The following GLI2 variants were observed in gnomAD, a reference collection of about 807,000 sequenced individuals.
The protein encoded by GLI2 is GLI family zinc finger 2, also known as transcription activator GLI2.
In GLI2, 22 loss-of-function variants were observed where a neutral mutation model predicts 78.9. That is an observed-to-expected ratio of 0.28 (90% CI 0.20 to 0.40). The LOEUF (loss-of-function observed/expected upper bound fraction) is 0.40. Ranked by LOEUF, GLI2 falls within the 10% of genes least tolerant of loss-of-function variation. The pLI is 1.00. For missense variants in GLI2, 2,097 were observed against 2,213.2 expected, an observed-to-expected ratio of 0.95 and a Z score of 1.05; for synonymous variants, 974 against 963.7, an observed-to-expected ratio of 1.01 and a Z score of -0.20.
At chr2:120,835,388 T>TG (rs1686561910) in intron 2 of GLI2, among the ~76,000 whole-genome samples, 1 of 149,884 alleles carries the variant, frequency 6.7e-6, no homozygotes, top group East Asian at 2.0e-4. Context: ...CACCAGACTT[T>TG]TTTTTTTTTT....
intron 2 of GLI2, among the ~76,000 whole-genome samples, chr2:120,883,219 CT>C (rs1214344911): frequency 6.6e-6 from 1 of 152,186 alleles, no homozygotes; most frequent in Non-Finnish European, 1.5e-5. Context: ...GGGCTGGTGG[CT>C]CACACCTGTA....
intron 1 of GLI2, among the ~76,000 whole-genome samples, chr2:120,763,178 C>G (rs1683268273): frequency 6.6e-6 from 1 of 152,194 alleles, no homozygotes; most frequent in African/African-American, 2.4e-5. Flanking sequence ...TTTCTTGTGC[C>G]TCCCTCTCCT....
intron 2 of GLI2, among the ~76,000 whole-genome samples, chr2:120,821,967 G>A (rs1685798142): frequency 6.6e-6 from 1 of 152,222 alleles, no homozygotes; most frequent in Non-Finnish European, 1.5e-5. Context: ...AAGTGGCACT[G>A]GGGATGCCAC....
In GLI2 at chr2:120,885,781, G is replaced by A. The variant is rs529232000; in HGVS notation, c.149-41580G>A. Among the ~76,000 whole-genome samples the A allele has an allele frequency of 4.6e-5, 7 of 152,318 alleles. No homozygotes were observed. The South Asian group carries it at 1.4e-3, about 32-fold the overall frequency. ...TTGGAGTTGGAGGATGACAGACACA[G>A]GAGGAGGGAGAATCTGCTAGCACCA... On this transcript the variant is annotated intron_variant, in intron 2 of 13. Coordinates refer to ENST00000361492, the MANE Select transcript of GLI2 (RefSeq NM_001374353.1).
rs760796572 is a variant in GLI2, at chr2:120,970,368, C to G, written c.846-25C>G. On this transcript the variant is annotated intron_variant, in intron 6 of 13. Transcript: ENST00000361492. ...GAGAGCTCCCGATCCCCCACCCCCA[C>G]TTCCTTGTCTGCTCTCTGTTGCAGC... The G allele has an allele frequency of 5.0e-6, 7 of 1,403,528 alleles. No homozygotes were observed. In the Admixed American group the frequency reaches 1.2e-4, roughly 24 times the overall value. 86.9% of individuals were successfully genotyped at this position (1,403,528 alleles called of 1,614,324 possible).
chr2:120,823,196 T>C (rs1212431391), intron 2 of GLI2, among the ~76,000 whole-genome samples: 2 of 152,240 alleles, frequency 1.3e-5, no homozygotes, highest in Non-Finnish European at 2.9e-5. Flanking sequence ...GCAGGGACGC[T>C]CCACTGTAGC....
Position 120,951,390 on chromosome 2 carries a change from C to T in GLI2, c.402C>T (p.His134=), listed in dbSNP as rs200675247. 117 of 1,613,264 alleles carry T rather than the reference C, an allele frequency of 7.3e-5. No individual in the cohort carries two copies. The Middle Eastern group carries it at 1.6e-3, about 23-fold the overall frequency. Residue 134 remains histidine (H), a synonymous_variant, in exon 4 of 14, where the codon CAC becomes CAT. Transcript: ENST00000361492. ...TGGAGCACTACCTCCGTTCTGTGCA[C>T]AGCAGCCCCACGCTCTCCATGATCT... ...PHMEHYLRSV[H]SSPTLSMISA... is the part of the protein sequence containing the mutation.
In GLI2 at chr2:120,986,556, A is replaced by G. The variant is rs2105078296; in HGVS notation, c.2184A>G (p.Ser728=). ...TCAAGTCACTCAAGGATTCCTGCTC[A>G]TGGGCCGGGCCGACTCCACACACGC... is the stretch of plus-strand genomic sequence containing the variant. The part of the protein sequence containing the change: ...EKLKSLKDSC[S]WAGPTPHTRN... The change falls in exon 13 of 14, where the codon TCA becomes TCG. Residue 728 remains serine (S), a synonymous_variant. Transcript: ENST00000361492. 1 of 1,614,080 alleles carries G rather than the reference A, an allele frequency of 6.2e-7. No homozygotes were observed. The highest frequency in any genetic ancestry group is 8.5e-7 in the Non-Finnish European group (1 of 1,179,976).
At chr2:120,972,811 A>G in intron 8 of GLI2, 1 of 449,228 alleles carries the variant, frequency 2.2e-6, no homozygotes, top group East Asian at 6.8e-5. Flanking sequence ...GTGCAGGCCT[A>G]CCACGTGGCC....
intron 1 of GLI2, among the ~76,000 whole-genome samples, chr2:120,793,537 G>A (rs1274798156): frequency 6.6e-6 from 1 of 152,170 alleles, no homozygotes; most frequent in Non-Finnish European, 1.5e-5. Flanking sequence ...GGCGCCTGGT[G>A]TTTACCTAGA....
intron 8 of GLI2, chr2:120,972,648 G>T (rs773724263): frequency 2.1e-5 from 11 of 518,830 alleles, no homozygotes; most frequent in African/African-American, 1.7e-4. Flanking sequence ...GCCTGACTGG[G>T]TTCCATGCCA....
chr2:120,972,598 T>A (rs952689488), intron 8 of GLI2: 2 of 516,648 alleles, frequency 3.9e-6, no homozygotes, highest in African/African-American at 3.8e-5. Flanking sequence ...TCTCCCTGTC[T>A]GCACTCTAAG....
At chr2:120,892,795 G>A (rs552206020) in intron 2 of GLI2, among the ~76,000 whole-genome samples, 53 of 152,102 alleles carry the variant, frequency 3.5e-4, no homozygotes, top group Non-Finnish European at 6.3e-4. Context: ...GCCCAGAGTG[G>A]TAGGGGGTGT....
chr2:120,907,878 C>G (rs527499221), intron 2 of GLI2, among the ~76,000 whole-genome samples: 1 of 152,226 alleles, frequency 6.6e-6, no homozygotes, highest in Non-Finnish European at 1.5e-5. Context: ...GTGTGGTACA[C>G]TGAGTGCTTC....
At chr2:120,760,799 C>T (rs1293903849) in intron 1 of GLI2, among the ~76,000 whole-genome samples, 2 of 152,178 alleles carry the variant, frequency 1.3e-5, no homozygotes, top group Non-Finnish European at 1.5e-5. Context: ...ACAAAACTGT[C>T]ATAATGTTTT....
intron 2 of GLI2, among the ~76,000 whole-genome samples, chr2:120,818,406 G>A (rs1205382917): frequency 3.3e-5 from 5 of 152,220 alleles, no homozygotes; most frequent in Non-Finnish European, 5.9e-5. Flanking sequence ...GGTGTGCACC[G>A]ACCCTTTGAA....
chr2:120,833,947 G>C (rs1042359243), intron 2 of GLI2, among the ~76,000 whole-genome samples: 1 of 152,130 alleles, frequency 6.6e-6, no homozygotes, highest in Non-Finnish European at 1.5e-5. Flanking sequence ...TCATTGGCTT[G>C]TCTGGCTCAG....
intron 2 of GLI2, among the ~76,000 whole-genome samples, chr2:120,856,799 C>T (rs958299399): frequency 2.0e-5 from 3 of 152,144 alleles, no homozygotes; most frequent in Non-Finnish European, 4.4e-5. Context: ...GAAGAAGCCT[C>T]GTGTGGCTGG....
At chr2:120,910,633 A>G (rs1678770015) in intron 2 of GLI2, among the ~76,000 whole-genome samples, 1 of 152,190 alleles carries the variant, frequency 6.6e-6, no homozygotes, top group Non-Finnish European at 1.5e-5. Flanking sequence ...AGCATCCCAC[A>G]CGTGTTGCAG....
Sources: allele counts gnomAD v4.1 joint callset (sites outside exome capture counted in the v4.1 genomes callset), GRCh38; gene constraint gnomAD v4.1.1; transcripts MANE v1.5; gene names NCBI Gene and HGNC (gene_info 2026-07-23, HGNC 2026-07-21).